The following RNF216 variants were observed in gnomAD, a reference collection of about 807,000 sequenced individuals.
The protein encoded by RNF216 is ring finger protein 216, also known as E3 ubiquitin-protein ligase RNF216.
RNF216 carries 72 observed loss-of-function variants against 110.8 expected under a neutral mutation model. The observed-to-expected ratio is 0.65, with a 90% confidence interval of 0.54 to 0.79. The LOEUF is 0.79. Among genes scored for constraint, RNF216 ranks in the 30% least tolerant of loss-of-function variants. The pLI is 0.00. For missense variants in RNF216, 1,342 were observed against 1,141.2 expected (o/e 1.18, Z -2.54); for synonymous variants, 495 against 407.5 (o/e 1.21, Z -2.59).
intron 13 of RNF216, among the ~76,000 whole-genome samples, chr7:5,656,235 C>A (rs912286533): frequency 3.3e-5 from 5 of 152,178 alleles, no homozygotes; most frequent in Admixed American, 2.6e-4. Context: ...TGCCACTGCA[C>A]TCCAGCCTGG....
intron 13 of RNF216, among the ~76,000 whole-genome samples, chr7:5,694,394 A>G (rs776013995): frequency 1.3e-5 from 2 of 152,168 alleles, no homozygotes; most frequent in Admixed American, 6.5e-5. Flanking sequence ...CTCAGAATCT[A>G]TTCTGACCAC....
Position 5,622,750 on chromosome 7 carries a change from T to C in RNF216, c.*110A>G, listed in dbSNP as rs1786450070. 8.9e-7 allele frequency: 1 copy of C among 1,124,848 alleles called. No individual in the cohort carries two copies. The highest frequency in any genetic ancestry group is 1.3e-6 in the Non-Finnish European group (1 of 794,988). The allele number at this position is 1,124,848 out of a possible 1,614,324, so 69.7% of individuals were successfully genotyped here. A position where few individuals can be genotyped will look rare whatever the true frequency, so the allele number is the denominator to read the frequency against. ...GGTGGGAAGAAAACCAGCCTACCCT[T>C]CAAGCTGACTTAGGATGCAATGGTA... On this transcript the variant is annotated 3_prime_UTR_variant, in exon 17 of 17. Transcript: ENST00000389902.
chr7:5,709,456 T>A (rs374227655), intron 13 of RNF216, among the ~76,000 whole-genome samples: 2 of 152,306 alleles, frequency 1.3e-5, no homozygotes, highest in East Asian at 3.9e-4. Flanking sequence ...GTTCTCTCTA[T>A]GGGAAAAAGA....
At chr7:5,656,156 C>G (rs1390445793) in intron 13 of RNF216, among the ~76,000 whole-genome samples, 1 of 152,148 alleles carries the variant, frequency 6.6e-6, no homozygotes, top group Non-Finnish European at 1.5e-5. Context: ...GTAATCCCAG[C>G]TACTCTGGAA....
At chr7:5,669,865 C>A (rs1789784749) in intron 13 of RNF216, among the ~76,000 whole-genome samples, 1 of 151,922 alleles carries the variant, frequency 6.6e-6, no homozygotes, top group African/African-American at 2.4e-5. Flanking sequence ...GCACTCCAGC[C>A]TGGGCAAGAC....
chr7:5,645,775 G>A (rs1788013951), intron 14 of RNF216, among the ~76,000 whole-genome samples: 1 of 152,020 alleles, frequency 6.6e-6, no homozygotes, highest in South Asian at 2.1e-4. Flanking sequence ...GTTTTTAGTA[G>A]AGAAAGGTTT....
chr7:5,644,848 G>T (rs1247456131), intron 14 of RNF216, among the ~76,000 whole-genome samples: 2 of 134,762 alleles, frequency 1.5e-5, no homozygotes, highest in African/African-American at 5.9e-5. Context: ...TTTTTGAAAC[G>T]GAGTCTTGCT....
intron 13 of RNF216, among the ~76,000 whole-genome samples, chr7:5,706,295 C>A (rs61033429): frequency 0.039 from 5,917 of 151,414 alleles, 169 homozygotes; most frequent in South Asian, 0.068. Context: ...TTTAAGTGTA[C>A]AGGGTCTGTT....
intron 13 of RNF216, among the ~76,000 whole-genome samples, chr7:5,655,190 G>C (rs903180469): frequency 6.6e-6 from 1 of 152,232 alleles, no homozygotes; most frequent in Non-Finnish European, 1.5e-5. Context: ...GGAGCCAGGT[G>C]CATGTGAGGG....
At chr7:5,662,216 T>A (rs545553729) in intron 13 of RNF216, among the ~76,000 whole-genome samples, 1 of 152,152 alleles carries the variant, frequency 6.6e-6, no homozygotes, top group Non-Finnish European at 1.5e-5. Flanking sequence ...CTGGTAACGA[T>A]AGGAACCTGC....
chr7:5,769,621 G>A (rs1483746859), intron 1 of RNF216, among the ~76,000 whole-genome samples: 3 of 152,050 alleles, frequency 2.0e-5, no homozygotes, highest in Non-Finnish European at 4.4e-5. Context: ...CTACATGGGA[G>A]GCCGGGGAGG....
intron 16 of RNF216, among the ~76,000 whole-genome samples, chr7:5,623,598 C>T (rs977426051): frequency 2.0e-5 from 3 of 151,970 alleles, no homozygotes; most frequent in Admixed American, 6.6e-5. Flanking sequence ...TGCACTTAGC[C>T]TCTTTTTTTT....
chr7:5,773,117 G>T (rs17186478), intron 1 of RNF216, among the ~76,000 whole-genome samples: 44,907 of 151,990 alleles, frequency 0.3, 7,378 homozygotes, highest in Admixed American at 0.38. Context: ...ATATATCAGC[G>T]TAAGTTTGGG....
chr7:5,761,657 G>C (rs1476225883), intron 1 of RNF216, among the ~76,000 whole-genome samples: 1 of 151,896 alleles, frequency 6.6e-6, no homozygotes, highest in Non-Finnish European at 1.5e-5. Flanking sequence ...GTGGTGGCAC[G>C]TGCCTGTAAT....
At chr7:5,683,631 T>G (rs926793683) in intron 13 of RNF216, among the ~76,000 whole-genome samples, 9 of 152,128 alleles carry the variant, frequency 5.9e-5, no homozygotes, top group African/African-American at 2.2e-4. Context: ...CCCCTTTGAG[T>G]GCACACTTAA....
chr7:5,760,376 C>T lies in RNF216; in HGVS notation c.67+627G>A, dbSNP rs183244212. ...TACTAAAAATACAAAATTAGCAGGG[C>T]GTAGTGGCACATGCCTGTAATCCCA... On this transcript the variant is annotated intron_variant, in intron 2 of 16. Coordinates refer to ENST00000389902, the MANE Select transcript of RNF216 (RefSeq NM_207111.4). 2.8e-4 allele frequency: 83 copies of T among 300,750 alleles called. 2 individuals are homozygous for T. In the East Asian group the frequency reaches 6.2e-3, roughly 22 times the overall value. The allele number at this position is 300,750 out of a possible 1,614,324, so 18.6% of individuals were successfully genotyped here.
At chr7:5,660,860 A>G (rs1366678855) in intron 13 of RNF216, among the ~76,000 whole-genome samples, 1 of 148,160 alleles carries the variant, frequency 6.7e-6, no homozygotes, top group African/African-American at 2.5e-5. Context: ...GTGAGCCACC[A>G]TGCCTGGCCT....
intron 3 of RNF216, among the ~76,000 whole-genome samples, chr7:5,743,776 T>C (rs1203500505): frequency 2.6e-5 from 4 of 152,292 alleles, no homozygotes; most frequent in South Asian, 2.1e-4. Context: ...TCTCAGGCTT[T>C]AGGGTGGGTC....
intron 14 of RNF216, among the ~76,000 whole-genome samples, chr7:5,646,673 C>T (rs1330479816): frequency 6.7e-6 from 1 of 148,230 alleles, no homozygotes. Context: ...AGCCTGGCGA[C>T]AGAGCGAGAC....
Sources: allele counts gnomAD v4.1 joint callset (sites outside exome capture counted in the v4.1 genomes callset), GRCh38; gene constraint gnomAD v4.1.1; transcripts MANE v1.5; gene names NCBI Gene and HGNC (gene_info 2026-07-23, HGNC 2026-07-21).